GRK4: variants seen among roughly 807,000 people sequenced by gnomAD.
GRK4 encodes the protein G protein-coupled receptor kinase 2-like.
A neutral mutation model predicts 77.9 loss-of-function variants in GRK4; 73 were observed. The observed-to-expected ratio is 0.94, with a 90% CI of 0.78 to 1.14. The LOEUF (loss-of-function observed/expected upper bound fraction) is 1.14, where lower values mean the gene tolerates loss of function less well. Ranked by LOEUF, GRK4 falls within the 50% of genes most tolerant of loss-of-function variation. The pLI, the probability that GRK4 is intolerant of heterozygous loss-of-function variation, is 0.00. For synonymous variants in GRK4, 257 were observed against 254.4 expected (o/e 1.01, Z -0.10); for missense variants, 729 against 700.2 (o/e 1.04, Z -0.46).
intron 6 of GRK4, among the ~76,000 whole-genome samples, chr4:3,008,041 C>T (rs1220062890): frequency 6.6e-6 from 1 of 152,050 alleles, no homozygotes; most frequent in Non-Finnish European, 1.5e-5. Context: ...AGAAAAGAGA[C>T]CTCAATAAAA....
chr4:3,021,110 G>A (rs369415224), intron 9 of GRK4, among the ~76,000 whole-genome samples: 9 of 152,236 alleles, frequency 5.9e-5, no homozygotes, highest in South Asian at 4.1e-4. Context: ...CCTGGCCCTC[G>A]TGGCCTTTGT....
intron 2 of GRK4, among the ~76,000 whole-genome samples, chr4:2,986,324 T>C (rs1724331831): frequency 6.6e-6 from 1 of 150,914 alleles, no homozygotes; most frequent in African/African-American, 2.4e-5. Context: ...AATTCATTTA[T>C]AAAAGTTCTT....
chr4:3,029,592 G>C (rs1169922110), intron 12 of GRK4, among the ~76,000 whole-genome samples, 183 bp downstream of exon 12: 1 of 152,102 alleles, frequency 6.6e-6, no homozygotes, highest in East Asian at 1.9e-4. Context: ...GGAGGCTCGG[G>C]TCCACCTGTG....
At chr4:2,992,961 A>G (rs778656580) in intron 4 of GRK4, among the ~76,000 whole-genome samples, 9 of 152,142 alleles carry the variant, frequency 5.9e-5, no homozygotes, top group Non-Finnish European at 7.4e-5. Context: ...TCTAGCCTGG[A>G]CAAGAGAGTA....
intron 11 of GRK4, 75 bp downstream of exon 11, chr4:3,028,076 C>T (rs1432121002): frequency 4.7e-6 from 6 of 1,286,866 alleles, no homozygotes; most frequent in Non-Finnish European, 6.8e-6. Context: ...GAGAAATCCA[C>T]CCTGAATGGA....
intron 1 of GRK4, among the ~76,000 whole-genome samples, chr4:2,972,788 G>A (rs1719974310): frequency 1.3e-5 from 2 of 152,146 alleles, no homozygotes; most frequent in Admixed American, 6.5e-5. Context: ...AGGCTGGAGT[G>A]CAGCAGCATG....
chr4:3,009,294 C>A (rs1055974902), intron 6 of GRK4, among the ~76,000 whole-genome samples: 1 of 151,588 alleles, frequency 6.6e-6, no homozygotes. Context: ...TAGTGGCAGG[C>A]GCCTGTAATC....
intron 14 of GRK4, 131 bp downstream of exon 14, chr4:3,037,642 C>A (rs562645379): frequency 2.8e-6 from 3 of 1,065,170 alleles, no homozygotes; most frequent in South Asian, 3.8e-5. Flanking sequence ...GACGGCTGGG[C>A]GCAGTGGCTC....
At chr4:2,979,233 A>C (rs1425470664) in intron 1 of GRK4, among the ~76,000 whole-genome samples, 1 of 150,948 alleles carries the variant, frequency 6.6e-6, no homozygotes, top group Non-Finnish European at 1.5e-5. Context: ...TCAAAAAAAA[A>C]AACAAAAAAA....
intron 7 of GRK4, among the ~76,000 whole-genome samples, chr4:3,011,365 G>A (rs553171347): frequency 1.3e-5 from 2 of 152,294 alleles, no homozygotes; most frequent in Admixed American, 1.3e-4. Context: ...CAGATCGCTT[G>A]AGCCCAGAAG....
At chr4:3,038,267 C>T (rs1578434814) in intron 14 of GRK4, 109 bp from the exon 15 acceptor site, 3 of 1,387,152 alleles carry the variant, frequency 2.2e-6, no homozygotes, top group East Asian at 2.3e-5. Flanking sequence ...GGTGCAGGAG[C>T]TCTGAGGTGC....
chr4:2,964,122 G>T lies in GRK4; in HGVS notation c.52G>T (p.Gly18Ter). ...ANSLLLKARQ[G>*]GYGKKSGRSK... Reference sequence around the variant, plus strand: ...CTCGCTGCTGCTGAAAGCGCGTCAAGGTGGGTGCGCGGCAGGCGCCCCCGA... The same window carrying T: ...CTCGCTGCTGCTGAAAGCGCGTCAATGTGGGTGCGCGGCAGGCGCCCCCGA... Residue 18 changes from glycine to a stop codon, truncating the protein, a stop_gained and splice_region_variant, in exon 1 of 16, where the codon GGA becomes TGA. Coordinates refer to ENST00000398052, the MANE Select transcript of GRK4 (RefSeq NM_182982.3). LOFTEE classifies it high-confidence loss of function. 1 of 1,601,934 alleles carries T rather than the reference G, an allele frequency of 6.2e-7. No homozygotes were observed. The highest frequency in any genetic ancestry group is 8.5e-7 in the Non-Finnish European group (1 of 1,176,722).
chr4:3,039,698 TAA>T (rs10672202), intron 15 of GRK4, among the ~76,000 whole-genome samples: 57 of 115,170 alleles, frequency 4.9e-4, no homozygotes, highest in African/African-American at 1.2e-3. Flanking sequence ...AACTCTGTCT[TAA>T]AAAAAAAAAA....
chr4:3,011,811 C>A (rs767272415), intron 7 of GRK4, among the ~76,000 whole-genome samples: 1 of 152,222 alleles, frequency 6.6e-6, no homozygotes, highest in African/African-American at 2.4e-5. Flanking sequence ...TTCGCTTATG[C>A]TTGAAGTCCT....
At chr4:2,989,176 G>A (rs751890872) in intron 3 of GRK4, among the ~76,000 whole-genome samples, 7 of 151,966 alleles carry the variant, frequency 4.6e-5, no homozygotes, top group Middle Eastern at 3.4e-3. Context: ...GCAAGACTCC[G>A]TCTCAAAAAA....
intron 4 of GRK4, among the ~76,000 whole-genome samples, chr4:2,995,816 A>G (rs994980635): frequency 2.0e-5 from 3 of 152,164 alleles, no homozygotes; most frequent in Non-Finnish European, 4.4e-5. Context: ...GAGCTGATAC[A>G]ATGTTGTTTG....
chr4:3,007,933 T>A, intron 6 of GRK4, 105 bp downstream of exon 6: 2 of 737,978 alleles, frequency 2.7e-6, no homozygotes, highest in Non-Finnish European at 4.6e-6. Context: ...AGCCCAAGAC[T>A]TCAAGGCTAT....
At position 3,010,461 on chromosome 4, in the gene GRK4, G is replaced by A. The variant is rs185176602; in HGVS notation, c.600+750G>A. 1.2e-4 allele frequency among the ~76,000 whole-genome samples: 18 copies of A among 152,134 alleles called. 1 individual carries two copies. The East Asian group carries it at 2.9e-3, about 25-fold the overall frequency. ...AGGGTGGTCTTGAACTCCCGACCTC[G>A]GGTGATCCGCCCTCCTCAGCCTCCC... On this transcript the variant is annotated intron_variant, in intron 7 of 15. Transcript: ENST00000398052.
intron 1 of GRK4, among the ~76,000 whole-genome samples, chr4:2,969,001 T>G (rs1323363636): frequency 7.1e-6 from 1 of 141,728 alleles, no homozygotes; most frequent in Non-Finnish European, 1.6e-5. Flanking sequence ...ACATACACCG[T>G]GGGGGAGAAG....
Sources: gnomAD v4.1 joint callset for allele counts (sites outside exome capture counted in the v4.1 genomes callset) on GRCh38, gnomAD v4.1.1 for gene constraint, MANE v1.5 for transcripts, NCBI Gene and HGNC (gene_info 2026-07-23, HGNC 2026-07-21) for gene names.